ZDHHC14: variants seen among roughly 807,000 people sequenced by gnomAD.
The protein encoded by ZDHHC14 is zDHHC palmitoyltransferase 14.
ZDHHC14 carries 16 observed loss-of-function variants against 47.7 expected under a neutral mutation model. The ratio of observed to expected loss-of-function variants is 0.34; its 90% CI spans 0.23 to 0.51. The LOEUF is 0.51. Among genes scored for constraint, ZDHHC14 ranks in the 20% least tolerant of loss-of-function variants. The pLI, the probability that ZDHHC14 is intolerant of heterozygous loss-of-function variation, is 0.97. For synonymous variants in ZDHHC14, 293 were observed against 278.9 expected (o/e 1.05, Z -0.50); for missense variants, 515 against 662.5 (o/e 0.78, Z 2.44).
intron 3 of ZDHHC14, among the ~76,000 whole-genome samples, chr6:157,611,364 A>C (rs982015345): frequency 5.9e-5 from 9 of 152,238 alleles, no homozygotes; most frequent in African/African-American, 2.2e-4. Context: ...CGTCTAACGT[A>C]AATTTTTTAA....
Position 157,502,687 on chromosome 6 carries a change from TTTG to T in ZDHHC14, c.246-39895_246-39893del, listed in dbSNP as rs2114739696. 6.6e-6 allele frequency among the ~76,000 whole-genome samples: 1 copy of T among 152,164 alleles called. No individual in the cohort carries two copies. Among genetic ancestry groups the T allele is most frequent in the African/African-American group, 2.4e-5 (1 of 41,478 alleles). ...TTTGTTGTGTTTGTTTTTGTTTTGT[TTTG>T]TTTTGTTTGTTTGTTTTTTAGACAG... On this transcript the variant is annotated intron_variant, in intron 1 of 8. Transcript: ENST00000359775. This position sits in a 1 kb window ranked among gnomAD's most constrained non-coding sequence, Gnocchi z 4.0.
At chr6:157,584,041 G>A (rs1783604295) in intron 2 of ZDHHC14, among the ~76,000 whole-genome samples, 1 of 152,198 alleles carries the variant, frequency 6.6e-6, no homozygotes, top group Non-Finnish European at 1.5e-5. Context: ...GCAGCTTGCT[G>A]GCAGTATGGT....
chr6:157,533,724 G>C (rs1003878495), intron 1 of ZDHHC14, among the ~76,000 whole-genome samples: 7 of 152,222 alleles, frequency 4.6e-5, no homozygotes, highest in African/African-American at 1.7e-4. Flanking sequence ...TGCAGCCTAG[G>C]GGGAAGCAGA....
At chr6:157,459,280 G>A (rs913926399) in intron 1 of ZDHHC14, among the ~76,000 whole-genome samples, 6 of 152,154 alleles carry the variant, frequency 3.9e-5, no homozygotes, top group African/African-American at 1.4e-4. Context: ...GTTCTGCCTA[G>A]ATGACAGAGC....
At chr6:157,542,157 C>T (rs1001313037) in intron 1 of ZDHHC14, among the ~76,000 whole-genome samples, 3 of 152,170 alleles carry the variant, frequency 2.0e-5, no homozygotes, top group Non-Finnish European at 4.4e-5. Context: ...GAAAGGCTGG[C>T]TCTCATGAAG....
chr6:157,549,360 G>A (rs1252248771), intron 2 of ZDHHC14, among the ~76,000 whole-genome samples: 2 of 152,210 alleles, frequency 1.3e-5, no homozygotes, highest in Non-Finnish European at 2.9e-5. Flanking sequence ...TCCCCTCTTG[G>A]AGCTTCTTGA....
intron 1 of ZDHHC14, among the ~76,000 whole-genome samples, chr6:157,531,489 C>T (rs1033738420): frequency 6.6e-6 from 1 of 152,068 alleles, no homozygotes; most frequent in African/African-American, 2.4e-5. Context: ...AAAGGCTTCA[C>T]CAACACCCCC....
intron 1 of ZDHHC14, among the ~76,000 whole-genome samples, chr6:157,526,376 T>C (rs929549152): frequency 6.1e-4 from 93 of 152,118 alleles, no homozygotes; most frequent in Non-Finnish European, 1.9e-4. Flanking sequence ...TCCCAGTGCC[T>C]GAGGCCTTCC....
At chr6:157,554,779 CACTGTGATGGT>C (rs1323336584) in intron 2 of ZDHHC14, among the ~76,000 whole-genome samples, 1 of 152,200 alleles carries the variant, frequency 6.6e-6, no homozygotes, top group Non-Finnish European at 1.5e-5. Flanking sequence ...CTGTGATCAC[CACTGTGATGGT>C]GGTGACACTC....
intron 2 of ZDHHC14, chr6:157,592,704 A>C: frequency 1.7e-6 from 2 of 1,147,998 alleles, no homozygotes; most frequent in East Asian, 4.8e-5. Flanking sequence ...GGAAGGAGGA[A>C]AAGGGCGGGG....
At chr6:157,465,592 G>A (rs941926030) in intron 1 of ZDHHC14, among the ~76,000 whole-genome samples, 5 of 151,492 alleles carry the variant, frequency 3.3e-5, no homozygotes, top group Non-Finnish European at 7.4e-5. Flanking sequence ...GTTCTATTTA[G>A]CAAGAGATGC....
chr6:157,440,827 G>T (rs1411503965), intron 1 of ZDHHC14, among the ~76,000 whole-genome samples: 1 of 152,230 alleles, frequency 6.6e-6, no homozygotes, highest in Admixed American at 6.5e-5. Context: ...TTTATGGGAA[G>T]TGACTGCTTC....
chr6:157,505,068 C>T lies in ZDHHC14; in HGVS notation c.246-37517C>T, dbSNP rs1471787924. On this transcript the variant is annotated intron_variant, in intron 1 of 8. Transcript: ENST00000359775. The stretch of plus-strand genomic sequence containing the variant: ...CAAGTGATCCACCCGCCTGGGCCTC[C>T]CAAAGTGTTGGGATTACAGGCATGA... Among the ~76,000 whole-genome samples, 8 of 152,152 alleles carry T rather than the reference C, an allele frequency of 5.3e-5. No individual in the cohort carries two copies. The East Asian group carries it at 1.5e-3, about 29-fold the overall frequency.
chr6:157,671,223 A>G (rs6941319), intron 8 of ZDHHC14, among the ~76,000 whole-genome samples: 19,308 of 152,200 alleles, frequency 0.13, 1,416 homozygotes, highest in Admixed American at 0.2. Context: ...GCTGTGTCCA[A>G]TGTGGAATAG....
chr6:157,524,677 G>T (rs139619814), intron 1 of ZDHHC14, among the ~76,000 whole-genome samples: 1 of 152,152 alleles, frequency 6.6e-6, no homozygotes, highest in African/African-American at 2.4e-5. Flanking sequence ...AATCCGTGAC[G>T]GAGCCTTAAC....
intron 3 of ZDHHC14, among the ~76,000 whole-genome samples, chr6:157,615,457 G>A (rs890519505): frequency 1.8e-4 from 27 of 152,188 alleles, no homozygotes; most frequent in African/African-American, 5.8e-4. Flanking sequence ...TGCTGGGCTG[G>A]CCAGCACTTC....
At chr6:157,520,531 TA>T (rs2114765140) in intron 1 of ZDHHC14, among the ~76,000 whole-genome samples, 1 of 152,356 alleles carries the variant, frequency 6.6e-6, no homozygotes, top group East Asian at 1.9e-4. Context: ...AGCCAAGTCC[TA>T]AAAAATGCAT....
chr6:157,606,274 T>C (rs554277013), intron 3 of ZDHHC14, among the ~76,000 whole-genome samples: 1 of 151,982 alleles, frequency 6.6e-6, no homozygotes, highest in Non-Finnish European at 1.5e-5. Context: ...AGACTAGCCA[T>C]GGCCAACATG....
At chr6:157,641,008 C>CT (rs1258150978) in intron 5 of ZDHHC14, among the ~76,000 whole-genome samples, 1 of 152,166 alleles carries the variant, frequency 6.6e-6, no homozygotes, top group Non-Finnish European at 1.5e-5. Flanking sequence ...CTAAAAAGGA[C>CT]TCTTTTTTTT....
Sources: gnomAD v4.1 joint callset for allele counts (sites outside exome capture counted in the v4.1 genomes callset) on GRCh38, gnomAD v4.1.1 for gene constraint, Gnocchi (gnomAD v3.1) non-coding constraint, MANE v1.5 for transcripts, NCBI Gene and HGNC (gene_info 2026-07-23, HGNC 2026-07-21) for gene names.